RPL7L1: variants seen among roughly 807,000 people sequenced by gnomAD.
RPL7L1 encodes the protein ribosomal protein L7 like 1, also known as ribosomal protein uL30-like.
RPL7L1 carries 20 observed loss-of-function variants against 30.3 expected under a neutral mutation model. The ratio of observed to expected loss-of-function variants is 0.66; its 90% CI spans 0.46 to 0.96. The LOEUF is 0.96. RPL7L1 is among the 40% of genes least tolerant of loss of function. The pLI is 0.00. For synonymous variants in RPL7L1, 107 were observed against 110.1 expected (o/e 0.97, Z 0.18); for missense variants, 271 against 314.9 (o/e 0.86, Z 1.05).
intron 1 of RPL7L1, 98 bp downstream of exon 1, chr6:42,880,049 G>A (rs1034017778): frequency 2.5e-5 from 31 of 1,247,104 alleles, no homozygotes; most frequent in Non-Finnish European, 3.3e-5. Flanking sequence ...GTGGGCTCTA[G>A]GAATAGAAAA....
chr6:42,879,921 G>A lies in RPL7L1; in HGVS notation c.11G>A (p.Ser4Asn), dbSNP rs376099875. MIS[S>N]CTTRKMAEQE... ...GTGGTGGGGTTGCGCATGATCAGTA[G>A]CTGCACCACTAGAAAGATGGCGGAG... Residue 4 changes from serine (S) to asparagine (N), a missense_variant, in exon 1 of 6, where the codon AGC becomes AAC. Ser to Asn is a conservative substitution (Grantham distance 46). Coordinates refer to ENST00000493763, the MANE Select transcript of RPL7L1 (RefSeq NM_001366481.3). 2.2e-5 allele frequency: 35 copies of A among 1,614,010 alleles called. No homozygotes were observed. Among genetic ancestry groups the A allele is most frequent in the African/African-American group, 4.0e-5 (3 of 74,924 alleles).
chr6:42,883,688 G>T, intron 3 of RPL7L1, 74 bp downstream of exon 3: 1 of 1,296,608 alleles, frequency 7.7e-7, no homozygotes, highest in South Asian at 1.5e-5. Flanking sequence ...CCCTTTCTAG[G>T]GAGATAATAT....
Position 42,888,118 on chromosome 6 carries a change from G to C in RPL7L1, c.*1654G>C, listed in dbSNP as rs564979535. 7.2e-5 allele frequency: 11 copies of C among 152,196 alleles called. No homozygotes were observed. Among genetic ancestry groups the C allele is most frequent in the African/African-American group, 2.4e-4 (10 of 41,528 alleles). 9.4% of individuals were successfully genotyped at this position (152,196 alleles called of 1,614,324 possible). On this transcript the variant is annotated 3_prime_UTR_variant, in exon 6 of 6. Transcript: ENST00000493763. ...ACTCAAAATTTTGCTTGCAGTTCTA[G>C]GGTGTTTAGACCCTTCTCAGATACC...
At chr6:42,880,038 T>C in intron 1 of RPL7L1, 87 bp downstream of exon 1, 1 of 1,320,884 alleles carries the variant, frequency 7.6e-7, no homozygotes, top group Non-Finnish European at 1.1e-6. Flanking sequence ...GGCGGATTCC[T>C]GTGGGCTCTA....
rs796795164 is a variant in RPL7L1 at position 42,886,992 on chromosome 6, CG to C, written c.*530del. 3 of 89,100 alleles carry C rather than the reference CG, an allele frequency of 3.4e-5. No individual in the cohort carries two copies. The highest frequency in any genetic ancestry group is 2.0e-4 in the African/African-American group (3 of 14,830). The allele number at this position is 89,100 out of a possible 1,614,324, so 5.5% of individuals were successfully genotyped here. A position where few individuals can be genotyped will look rare whatever the true frequency, so the allele number is the denominator to read the frequency against. The stretch of plus-strand genomic sequence containing the variant: ...TGGGCGACAGAGCGAGACTCCATCT[CG>C]GAAAAAAAAAAAAAAAAACTATTGC... On this transcript the variant is annotated 3_prime_UTR_variant, in exon 6 of 6. Transcript: ENST00000493763.
chr6:42,885,771 A>ATT (rs1766244863), intron 4 of RPL7L1: 1 of 492,928 alleles, frequency 2.0e-6, no homozygotes, highest in East Asian at 3.3e-5. Context: ...ATAAATTTAA[A>ATT]TTTCTAATTA....
chr6:42,880,126 G>A (rs1177542784), intron 1 of RPL7L1, among the ~76,000 whole-genome samples, 175 bp downstream of exon 1: 1 of 152,092 alleles, frequency 6.6e-6, no homozygotes, highest in Non-Finnish European at 1.5e-5. Context: ...AGGGGACCGC[G>A]GTCAAGTTCG....
chr6:42,884,042 C>T (rs1188509658), intron 3 of RPL7L1: 1 of 155,236 alleles, frequency 6.4e-6, no homozygotes, highest in African/African-American at 2.4e-5. Flanking sequence ...GTGGAACTTT[C>T]CCAACCCCCT....
intron 1 of RPL7L1, 62 bp from the exon 2 acceptor site, chr6:42,880,799 C>T: frequency 1.1e-6 from 1 of 936,172 alleles, no homozygotes; most frequent in South Asian, 1.4e-5. Context: ...AGGCTTGAGC[C>T]ACCGAGCCCG....
rs1209381875 is a variant in RPL7L1, at chr6:42,886,260, GTT to G, written c.566_567del (p.Phe189TrpfsTer11). The G allele has an allele frequency of 6.2e-7, 1 of 1,610,734 alleles. No individual in the cohort carries two copies. The highest frequency in any genetic ancestry group is 8.5e-7 in the Non-Finnish European group (1 of 1,178,718). On this transcript the variant is annotated frameshift_variant, in exon 6 of 6. Coordinates refer to ENST00000493763, the MANE Select transcript of RPL7L1 (RefSeq NM_001366481.3). LOFTEE classifies it high-confidence loss of function. The part of the protein sequence containing the change: ...NTVIEEHLGK[F>X]GVICLEDLIH... ...CTGTGCTTTTGTGTTTCTTAGGGAA[GTT>G]TGGCGTCATTTGCTTGGAAGACCTC...
At chr6:42,884,115 C>T (rs1351210005) in intron 3 of RPL7L1, among the ~76,000 whole-genome samples, 1 of 151,874 alleles carries the variant, frequency 6.6e-6, no homozygotes, top group African/African-American at 2.4e-5. Flanking sequence ...AAACCAGAAA[C>T]CTGTGGATTT....
At chr6:42,884,246 A>G (rs532805047) in intron 3 of RPL7L1, among the ~76,000 whole-genome samples, 2 of 152,144 alleles carry the variant, frequency 1.3e-5, no homozygotes, top group African/African-American at 2.4e-5. Context: ...GATCTGTCCC[A>G]TACACTGCCC....
At position 42,888,602 on chromosome 6, in the gene RPL7L1, C is replaced by G. The variant is rs1337481281; in HGVS notation, c.*2138C>G. ...TTCATAGTGGCAGATAGTGTTAACC[C>G]CTGCACCATCTGTAACTCAGAAATC... On this transcript the variant is annotated 3_prime_UTR_variant, in exon 6 of 6. Coordinates refer to ENST00000493763, the MANE Select transcript of RPL7L1 (RefSeq NM_001366481.3). The G allele has an allele frequency of 6.6e-6, 1 of 152,224 alleles. No homozygotes were observed. The highest frequency in any genetic ancestry group is 2.1e-4 in the South Asian group (1 of 4,828). The allele number at this position is 152,224 out of a possible 1,614,324, so 9.4% of individuals were successfully genotyped here.
intron 1 of RPL7L1, 81 bp downstream of exon 1, chr6:42,880,032 G>A: frequency 7.4e-7 from 1 of 1,342,726 alleles, no homozygotes; most frequent in Non-Finnish European, 1.1e-6. Context: ...CTTGGTGGCG[G>A]ATTCCTGTGG....
At chr6:42,880,822 T>C in intron 1 of RPL7L1, 39 bp from the exon 2 acceptor site, 1 of 1,251,680 alleles carries the variant, frequency 8.0e-7, no homozygotes, top group Non-Finnish European at 1.2e-6. Flanking sequence ...CAAGTGTTCT[T>C]TTCTAAATGT....
At position 42,879,916 on chromosome 6, in the gene RPL7L1, C is replaced by T. The variant is rs1562509082; in HGVS notation, c.6C>T (p.Ile2=). 6.2e-7 allele frequency: 1 copy of T among 1,613,996 alleles called. No homozygotes were observed. The highest frequency in any genetic ancestry group is 8.5e-7 in the Non-Finnish European group (1 of 1,179,956). ...CCCATGTGGTGGGGTTGCGCATGAT[C>T]AGTAGCTGCACCACTAGAAAGATGG... is the stretch of plus-strand genomic sequence containing the variant. The part of the protein sequence containing the change: M[I]SSCTTRKMAE... Residue 2 remains isoleucine (I), a synonymous_variant, in exon 1 of 6, where the codon ATC becomes ATT. Transcript: ENST00000493763.
intron 2 of RPL7L1, chr6:42,883,236 T>A (rs1191939744): frequency 2.5e-6 from 1 of 402,016 alleles, no homozygotes; most frequent in Non-Finnish European, 4.4e-6. Flanking sequence ...TAATTTTTTG[T>A]TCGTTATTTT....
intron 4 of RPL7L1, 76 bp from the exon 5 acceptor site, chr6:42,885,898 C>CAT: frequency 1.3e-6 from 1 of 791,932 alleles, no homozygotes; most frequent in Non-Finnish European, 2.2e-6. Flanking sequence ...ACCTCTCCAA[C>CAT]CTCTCAGCCA....
Position 42,886,554 on chromosome 6 carries a change from A to G in RPL7L1, c.*90A>G. ...TTTACAAGTTCTTTTTGCATTTACT[A>G]GTATTTAAGAGTAACCTTGAGATTG... On this transcript the variant is annotated 3_prime_UTR_variant, in exon 6 of 6. Coordinates refer to ENST00000493763, the MANE Select transcript of RPL7L1 (RefSeq NM_001366481.3). 1 of 695,274 alleles carries G rather than the reference A, an allele frequency of 1.4e-6. No homozygotes were observed. The highest frequency in any genetic ancestry group is 2.7e-5 in the East Asian group (1 of 37,084). The allele number at this position is 695,274 out of a possible 1,614,324, so 43.1% of individuals were successfully genotyped here. A position where few individuals can be genotyped will look rare whatever the true frequency, so the allele number is the denominator to read the frequency against.
Sources: gnomAD v4.1 joint callset for allele counts (sites outside exome capture counted in the v4.1 genomes callset) on GRCh38, gnomAD v4.1.1 for gene constraint, MANE v1.5 for transcripts, NCBI Gene and HGNC (gene_info 2026-07-23, HGNC 2026-07-21) for gene names.